EDIL3: variants seen among roughly 807,000 people sequenced by gnomAD.
EDIL3 encodes EGF-like repeat and discoidin I-like domain-containing protein 3.
Under a neutral mutation model 67.4 loss-of-function variants are expected in EDIL3, and 37 were observed. That is an observed-to-expected ratio of 0.55 (90% CI 0.42 to 0.72). The LOEUF (loss-of-function observed/expected upper bound fraction) is 0.72. Among genes scored for constraint, EDIL3 ranks in the 30% least tolerant of loss-of-function variants. The pLI, the probability that EDIL3 is intolerant of heterozygous loss-of-function variation, is 0.00. For synonymous variants in EDIL3, 195 were observed against 196.3 expected, an observed-to-expected ratio of 0.99 and a Z score of 0.05; for missense variants, 527 against 586.3, an observed-to-expected ratio of 0.90 and a Z score of 1.04.
At position 84,330,592 on chromosome 5, in the gene EDIL3, T is replaced by C. The variant is rs374359462; in HGVS notation, c.67+53716A>G. On this transcript the variant is annotated intron_variant, in intron 1 of 10. Coordinates refer to ENST00000296591, the MANE Select transcript of EDIL3 (RefSeq NM_005711.5). ...ATGAAGGTACAAACTTATAAGAAAA[T>C]ATAGTTAATATTTACAGTAGGGAGA... 2.0e-5 allele frequency among the ~76,000 whole-genome samples: 3 copies of C among 152,174 alleles called. No individual in the cohort carries two copies. In the East Asian group the frequency reaches 5.8e-4, roughly 29 times the overall value.
chr5:84,244,647 CT>C (rs769133332), intron 2 of EDIL3, among the ~76,000 whole-genome samples: 8 of 152,140 alleles, frequency 5.3e-5, no homozygotes, highest in Non-Finnish European at 1.2e-4. Flanking sequence ...ATTCTATCTT[CT>C]GTGTTACTAG....
intron 1 of EDIL3, among the ~76,000 whole-genome samples, chr5:84,295,494 A>G (rs1390052243): frequency 6.6e-6 from 1 of 152,086 alleles, no homozygotes; most frequent in East Asian, 1.9e-4. Flanking sequence ...ATATTTAGAT[A>G]TTTTTTGAAT....
intron 6 of EDIL3, among the ~76,000 whole-genome samples, chr5:84,102,855 T>C (rs1430363892): frequency 6.6e-6 from 1 of 151,986 alleles, no homozygotes; most frequent in Non-Finnish European, 1.5e-5. Context: ...AATGACATTA[T>C]TCACAGAATT....
At chr5:84,090,459 G>A (rs991252928) in intron 6 of EDIL3, among the ~76,000 whole-genome samples, 95 of 152,072 alleles carry the variant, frequency 6.2e-4, no homozygotes, top group African/African-American at 2.1e-3. Context: ...ACATTTTCTC[G>A]GGATAACCAA....
chr5:84,311,186 A>C (rs1486232790), intron 1 of EDIL3, among the ~76,000 whole-genome samples: 3 of 152,000 alleles, frequency 2.0e-5, no homozygotes, highest in Non-Finnish European at 2.9e-5. Context: ...ACTTATTTTT[A>C]ATTGCTTAGT....
chr5:84,191,962 C>T (rs948194465), intron 3 of EDIL3, among the ~76,000 whole-genome samples: 2 of 151,900 alleles, frequency 1.3e-5, no homozygotes, highest in African/African-American at 2.4e-5. Context: ...TCACACTGAA[C>T]TAAATTTAAG....
chr5:84,296,351 A>T (rs1746050496), intron 1 of EDIL3, among the ~76,000 whole-genome samples: 1 of 152,184 alleles, frequency 6.6e-6, no homozygotes. Context: ...TTTTGTAAGT[A>T]AAAGTTATAT....
At chr5:84,152,937 A>T (rs1358682206) in intron 4 of EDIL3, among the ~76,000 whole-genome samples, 1 of 152,220 alleles carries the variant, frequency 6.6e-6, no homozygotes, top group Non-Finnish European at 1.5e-5. Flanking sequence ...AGAACACTAT[A>T]GATACTAATA....
intron 4 of EDIL3, among the ~76,000 whole-genome samples, chr5:84,156,698 G>A (rs996836615): frequency 1.3e-5 from 2 of 152,008 alleles, no homozygotes; most frequent in African/African-American, 4.8e-5. Flanking sequence ...ACTATCTCTT[G>A]GCTTAGATAC....
intron 6 of EDIL3, among the ~76,000 whole-genome samples, chr5:84,075,419 T>G (rs190429340): frequency 6.6e-6 from 1 of 152,298 alleles, no homozygotes; most frequent in East Asian, 1.9e-4. Flanking sequence ...AGGAAGGTGA[T>G]AATCTGGGGG....
chr5:84,090,132 G>A (rs1260098512), intron 6 of EDIL3, among the ~76,000 whole-genome samples: 1 of 152,008 alleles, frequency 6.6e-6, no homozygotes, highest in Non-Finnish European at 1.5e-5. Context: ...CCAATCCCTT[G>A]GAAACAATTA....
At chr5:84,045,174 GA>G (rs1216585901) in intron 9 of EDIL3, among the ~76,000 whole-genome samples, 1 of 152,046 alleles carries the variant, frequency 6.6e-6, no homozygotes, top group Non-Finnish European at 1.5e-5. Context: ...AGGTATGAGG[GA>G]AACTGCCCCC....
intron 2 of EDIL3, among the ~76,000 whole-genome samples, chr5:84,241,704 T>G (rs1258968843): frequency 6.7e-6 from 1 of 149,534 alleles, no homozygotes; most frequent in African/African-American, 2.4e-5. Flanking sequence ...AAAAACAACC[T>G]GACATAAAAA....
At chr5:84,047,926 T>C (rs966294279) in intron 9 of EDIL3, 2 of 153,076 alleles carry the variant, frequency 1.3e-5, no homozygotes, top group Non-Finnish European at 2.9e-5. Context: ...GGATTCCCTT[T>C]GACATCATAA....
intron 10 of EDIL3, among the ~76,000 whole-genome samples, chr5:83,949,210 G>C (rs909603700): frequency 2.6e-5 from 4 of 151,670 alleles, no homozygotes; most frequent in African/African-American, 9.7e-5. Flanking sequence ...TTGACAGAAA[G>C]GAACAGAGAG....
intron 1 of EDIL3, among the ~76,000 whole-genome samples, chr5:84,366,385 G>GT (rs1200437768): frequency 2.0e-5 from 3 of 151,988 alleles, no homozygotes; most frequent in Admixed American, 6.6e-5. Context: ...TATTATCCCC[G>GT]TTTTACACAT....
chr5:84,028,553 G>A (rs925185320), intron 9 of EDIL3, among the ~76,000 whole-genome samples: 1 of 151,924 alleles, frequency 6.6e-6, no homozygotes, highest in African/African-American at 2.4e-5. Flanking sequence ...TGAAAATTAA[G>A]TGAAATTATA....
chr5:84,216,041 A>T (rs1216577721), intron 3 of EDIL3, among the ~76,000 whole-genome samples: 1 of 152,136 alleles, frequency 6.6e-6, no homozygotes, highest in Non-Finnish European at 1.5e-5. Flanking sequence ...CAAATCCATG[A>T]GTGAGAAGAT....
intron 1 of EDIL3, among the ~76,000 whole-genome samples, chr5:84,282,407 T>C (rs1014030018): frequency 6.6e-6 from 1 of 152,216 alleles, no homozygotes; most frequent in Admixed American, 6.5e-5. Flanking sequence ...CCTGAAACAG[T>C]GTTTTTGAAA....
Sources: allele counts gnomAD v4.1 joint callset (sites outside exome capture counted in the v4.1 genomes callset), GRCh38; gene constraint gnomAD v4.1.1; transcripts MANE v1.5; gene names NCBI Gene and HGNC (gene_info 2026-07-23, HGNC 2026-07-21).